EMC4: variants seen among roughly 807,000 people sequenced by gnomAD.
EMC4 encodes ER membrane protein complex subunit 4.
In EMC4, 9 loss-of-function variants were observed where a neutral mutation model predicts 24.2. The observed-to-expected ratio is 0.37, with a 90% CI of 0.22 to 0.65. The LOEUF (loss-of-function observed/expected upper bound fraction) is 0.65, where lower values mean the gene tolerates loss of function less well. EMC4 is among the 30% of genes least tolerant of loss of function. The pLI is 0.59. For synonymous variants in EMC4, 86 were observed against 81.1 expected (o/e 1.06, Z -0.32); for missense variants, 169 against 234.6 (o/e 0.72, Z 1.83).
Position 34,227,864 on chromosome 15 carries a change from A to G in EMC4, c.355+18A>G, listed in dbSNP as rs1409532200. On this transcript the variant is annotated intron_variant, in intron 3 of 4. Coordinates refer to ENST00000267750, the MANE Select transcript of EMC4 (RefSeq NM_016454.4). ...TTCAGCCAGTAAGTATTCTTGAAAC[A>G]ATAACCCTTCCATAAGTTTGAAGAA... 4 of 1,609,518 alleles carry G rather than the reference A, an allele frequency of 2.5e-6. No individual in the cohort carries two copies. Among genetic ancestry groups the G allele is most frequent in the Non-Finnish European group, 3.4e-6 (4 of 1,176,214 alleles).
intron 3 of EMC4, 140 bp from the exon 4 acceptor site, chr15:34,228,289 C>T (rs1422069832): frequency 8.5e-6 from 7 of 818,790 alleles, no homozygotes; most frequent in Admixed American, 7.7e-5. Flanking sequence ...GTAGTGCTTA[C>T]CATGGTTTTC....
Position 34,229,976 on chromosome 15 carries a change from AC to A in EMC4, c.*189del, listed in dbSNP as rs1438633162. 1 of 633,974 alleles carries A rather than the reference AC, an allele frequency of 1.6e-6. No individual in the cohort carries two copies. Among genetic ancestry groups the A allele is most frequent in the East Asian group, 2.8e-5 (1 of 35,578 alleles). 39.3% of individuals were successfully genotyped at this position (633,974 alleles called of 1,614,324 possible). ...TGCATATTACGACAAACACAAAGAA[AC>A]TATACCATAACCCAAGGCTGAAAAT... On this transcript the variant is annotated 3_prime_UTR_variant, in exon 5 of 5. Transcript: ENST00000267750.
In EMC4 at chr15:34,228,245, G is replaced by C. The variant is rs1000122605; in HGVS notation, c.356-184G>C. 4.9e-6 allele frequency: 3 copies of C among 615,786 alleles called. No individual in the cohort carries two copies. In the African/African-American group the frequency reaches 5.5e-5, roughly 11 times the overall value. The allele number at this position is 615,786 out of a possible 1,614,324, so 38.1% of individuals were successfully genotyped here. A position where few individuals can be genotyped will look rare whatever the true frequency, so the allele number is the denominator to read the frequency against. The stretch of plus-strand genomic sequence containing the variant: ...AGTTTTTGGCTAACAGGTATATAGG[G>C]GAGTGGGGTAATGGTGGTGGCATGG... On this transcript the variant is annotated intron_variant, in intron 3 of 4. Transcript: ENST00000267750.
At position 34,225,737 on chromosome 15, in the gene EMC4, T is replaced by TA. The variant is rs1327123500; in HGVS notation, c.201+88dup. The TA allele has an allele frequency of 3.9e-6, 4 of 1,022,754 alleles. No individual in the cohort carries two copies. The Admixed American group carries it at 7.0e-5, about 18-fold the overall frequency. 63.4% of individuals were successfully genotyped at this position (1,022,754 alleles called of 1,614,324 possible). ...TTCTCCTAGGTGGAGTTAACGTAGA[T>TA]AGCTCTTATCCTGAAGATTTGGAAA... On this transcript the variant is annotated intron_variant, in intron 2 of 4. Coordinates refer to ENST00000267750, the MANE Select transcript of EMC4 (RefSeq NM_016454.4).
Position 34,228,033 on chromosome 15 carries a change from A to C in EMC4, c.355+187A>C, listed in dbSNP as rs191954222. On this transcript the variant is annotated intron_variant, in intron 3 of 4. Transcript: ENST00000267750. ...CCTTGTCTCTACTAAAAATGCAAAA[A>C]TTAGCTGGGCGTGGTGGCACACGCC... 4.1e-4 allele frequency: 221 copies of C among 539,510 alleles called. 3 individuals are homozygous for C. The East Asian group carries it at 7.2e-3, about 18-fold the overall frequency. 33.4% of individuals were successfully genotyped at this position (539,510 alleles called of 1,614,324 possible).
intron 2 of EMC4, 131 bp from the exon 3 acceptor site, chr15:34,227,562 A>T (rs1221903268): frequency 1.2e-5 from 11 of 919,260 alleles, no homozygotes; most frequent in Admixed American, 2.0e-5. Flanking sequence ...AAGAGGTCGT[A>T]GAATTGAGGA....
chr15:34,226,197 CTATTTA>C (rs1330045202), intron 2 of EMC4: 1 of 169,380 alleles, frequency 5.9e-6, no homozygotes, highest in Non-Finnish European at 1.3e-5. Flanking sequence ...CGGCCCGGGG[CTATTTA>C]TATTTCTAAT....
chr15:34,228,795 C>T (rs1358662338), intron 4 of EMC4: 4 of 360,828 alleles, frequency 1.1e-5, no homozygotes, highest in African/African-American at 7.3e-5. Flanking sequence ...AGCAATTATT[C>T]TGCCTCAGCC....
Position 34,228,430 on chromosome 15 carries a change from T to A in EMC4, c.357T>A (p.Thr119=), listed in dbSNP as rs1474311592. The change falls in exon 4 of 5, where the codon ACT becomes ACA. Residue 119 remains threonine (T), a splice_region_variant and synonymous_variant. Transcript: ENST00000267750. ...TGACAACTTCTGTTACCGCAACAGC[T>A]TTCAAGATGTTAGAAAGTTCAAGCC... The part of the protein sequence containing the change: ...PIQALMAISA[T]FKMLESSSQK... 6.2e-7 allele frequency: 1 copy of A among 1,612,888 alleles called. No individual in the cohort carries two copies. Among genetic ancestry groups the A allele is most frequent in the South Asian group, 1.1e-5 (1 of 90,826 alleles).
chr15:34,226,310 CAT>C (rs1890649666), intron 2 of EMC4: 1 of 158,844 alleles, frequency 6.3e-6, no homozygotes. Flanking sequence ...TGATCACTTC[CAT>C]ATATGCAAGA....
chr15:34,228,384 G>A (rs182417189), intron 3 of EMC4, 45 bp from the exon 4 acceptor site: 7 of 1,600,998 alleles, frequency 4.4e-6, no homozygotes, highest in Admixed American at 1.7e-5. Flanking sequence ...ATTCGTATTG[G>A]GGGAAAGAGT....
intron 4 of EMC4, chr15:34,229,543 G>C: frequency 1.9e-6 from 1 of 513,280 alleles, no homozygotes; most frequent in Non-Finnish European, 3.4e-6. Context: ...ATGTTGCCCA[G>C]GCTGGTCTTG....
intron 3 of EMC4, 68 bp downstream of exon 3, chr15:34,227,914 C>A: frequency 6.5e-7 from 1 of 1,537,662 alleles, no homozygotes; most frequent in Non-Finnish European, 8.9e-7. Flanking sequence ...GGCATGGTGG[C>A]TCACGCCTGT....
chr15:34,228,178 A>C (rs1394977549), intron 3 of EMC4: 2 of 493,658 alleles, frequency 4.1e-6, no homozygotes, highest in Non-Finnish European at 7.3e-6. Context: ...ACGAGACTCC[A>C]TCTCAAAAAA....
chr15:34,230,058 CA>C lies in EMC4; in HGVS notation c.*271del. ...ACAGAGCAAAACAACAACAAAAAAA[CA>C]TAACTATGTAAACAAGAGAATAACT... On this transcript the variant is annotated 3_prime_UTR_variant, in exon 5 of 5. Coordinates refer to ENST00000267750, the MANE Select transcript of EMC4 (RefSeq NM_016454.4). The C allele has an allele frequency of 2.3e-6, 1 of 442,148 alleles. No individual in the cohort carries two copies. The highest frequency in any genetic ancestry group is 2.0e-5 in the African/African-American group (1 of 49,124). The allele number at this position is 442,148 out of a possible 1,614,324, so 27.4% of individuals were successfully genotyped here.
Position 34,229,816 on chromosome 15 carries a change from T to A in EMC4, c.*28T>A, listed in dbSNP as rs201082530. On this transcript the variant is annotated 3_prime_UTR_variant, in exon 5 of 5. Coordinates refer to ENST00000267750, the MANE Select transcript of EMC4 (RefSeq NM_016454.4). Reference sequence around the variant, plus strand: ...ATGAGAAAGCAGCGCCTGGTCCCTATGTATTTGGGTCTTATTTACATCCTT... The same window carrying A: ...ATGAGAAAGCAGCGCCTGGTCCCTAAGTATTTGGGTCTTATTTACATCCTT... 5.6e-6 allele frequency: 9 copies of A among 1,610,296 alleles called. No homozygotes were observed. Among genetic ancestry groups the A allele is most frequent in the Non-Finnish European group, 7.6e-6 (9 of 1,176,616 alleles).
chr15:34,225,887 G>A lies in EMC4; in HGVS notation c.201+237G>A, dbSNP rs201809197. On this transcript the variant is annotated intron_variant, in intron 2 of 4. Transcript: ENST00000267750. ...AAAGTAGGTTGAAAACTATCTTTTG[G>A]TGGCAACATCTTCCAGTTGAAGTGA... 2.6e-5 allele frequency: 14 copies of A among 529,978 alleles called. No individual in the cohort carries two copies. The East Asian group carries it at 6.0e-4, about 23-fold the overall frequency. The allele number at this position is 529,978 out of a possible 1,614,324, so 32.8% of individuals were successfully genotyped here.
Position 34,227,734 on chromosome 15 carries a change from C to A in EMC4, c.243C>A (p.Pro81=), listed in dbSNP as rs751596631. 20 of 1,614,060 alleles carry A rather than the reference C, an allele frequency of 1.2e-5. No homozygotes were observed. Among genetic ancestry groups the A allele is most frequent in the Non-Finnish European group, 1.7e-5 (20 of 1,179,936 alleles). Residue 81 remains proline (P), a synonymous_variant, in exon 3 of 5, where the codon CCC becomes CCA. Coordinates refer to ENST00000267750, the MANE Select transcript of EMC4 (RefSeq NM_016454.4). The part of the protein sequence containing the change: ...DIALGPLKQI[P]MNLFIMYMAG... ...CCTTGGGTCCCCTCAAACAGATTCC[C>A]ATGAATCTCTTCATCATGTACATGG... is the stretch of plus-strand genomic sequence containing the variant.
intron 2 of EMC4, 34 bp downstream of exon 2, chr15:34,225,684 G>T: frequency 6.6e-7 from 1 of 1,522,550 alleles, no homozygotes; most frequent in Non-Finnish European, 9.1e-7. Context: ...TAGCCCATGG[G>T]CCAGTCCTGA....
Sources: gnomAD v4.1 joint callset for allele counts on GRCh38, gnomAD v4.1.1 for gene constraint, MANE v1.5 for transcripts, NCBI Gene and HGNC (gene_info 2026-07-23, HGNC 2026-07-21) for gene names.